Variants in ASH2L observed in about 807,000 individuals in gnomAD.
ASH2L encodes the protein set1/Ash2 histone methyltransferase complex subunit ASH2.
ASH2L carries 30 observed loss-of-function variants against 81.1 expected under a neutral mutation model. That is an observed-to-expected ratio of 0.37 (90% confidence interval 0.28 to 0.50). The LOEUF is 0.50. Among genes scored for constraint, ASH2L ranks in the 20% least tolerant of loss-of-function variants. ASH2L has a pLI of 0.95. For synonymous variants in ASH2L, 273 were observed against 279.9 expected, an observed-to-expected ratio of 0.98 and a Z score of 0.24; for missense variants, 559 against 792.1, an observed-to-expected ratio of 0.71 and a Z score of 3.53.
intron 3 of ASH2L, among the ~76,000 whole-genome samples, chr8:38,107,745 G>A (rs1185133530): frequency 1.3e-5 from 2 of 151,844 alleles, no homozygotes; most frequent in Non-Finnish European, 2.9e-5. Context: ...TGTACTGCTC[G>A]CTCTCTGTAA....
At chr8:38,132,768 C>T (rs1434378113) in intron 12 of ASH2L, among the ~76,000 whole-genome samples, 2 of 149,412 alleles carry the variant, frequency 1.3e-5, no homozygotes, top group Non-Finnish European at 3.0e-5. Flanking sequence ...CACTGCATTC[C>T]AGCCTGGGTG....
intron 9 of ASH2L, among the ~76,000 whole-genome samples, chr8:38,119,745 G>C (rs1038703623): frequency 7.9e-5 from 12 of 151,786 alleles, no homozygotes; most frequent in Non-Finnish European, 1.5e-4. Context: ...GCGGGTGGCA[G>C]TGAGCCAAGA....
At chr8:38,122,156 T>G (rs1424418002) in intron 10 of ASH2L, among the ~76,000 whole-genome samples, 1 of 152,226 alleles carries the variant, frequency 6.6e-6, no homozygotes, top group Non-Finnish European at 1.5e-5. Flanking sequence ...ATTTTGTTGT[T>G]TAAATTATTC....
Position 38,133,414 on chromosome 8 carries a change from G to C in ASH2L, c.1528-40G>C, listed in dbSNP as rs1344782452. 3 of 1,442,124 alleles carry C rather than the reference G, an allele frequency of 2.1e-6. No homozygotes were observed. In the Admixed American group the frequency reaches 5.2e-5, roughly 25 times the overall value. The allele number at this position is 1,442,124 out of a possible 1,614,324, so 89.3% of individuals were successfully genotyped here. A position where few individuals can be genotyped will look rare whatever the true frequency, so the allele number is the denominator to read the frequency against. On this transcript the variant is annotated intron_variant, in intron 12 of 15. Coordinates refer to ENST00000343823, the MANE Select transcript of ASH2L (RefSeq NM_004674.5). ...GCGTTTTTTTCATGATGATGGAGCT[G>C]ATGCTTTATTGTGCCTTTTTTTCTT...
chr8:38,122,208 G>T (rs1801656543), intron 10 of ASH2L, among the ~76,000 whole-genome samples: 1 of 151,948 alleles, frequency 6.6e-6, no homozygotes, highest in Admixed American at 6.6e-5. Context: ...GTTGGTTCTT[G>T]TGTTCTTTCG....
intron 13 of ASH2L, among the ~76,000 whole-genome samples, chr8:38,134,875 C>A (rs1352312605): frequency 6.6e-6 from 1 of 152,070 alleles, no homozygotes; most frequent in African/African-American, 2.4e-5. Flanking sequence ...AGAGGATATT[C>A]AGTGTAATTC....
intron 12 of ASH2L, among the ~76,000 whole-genome samples, chr8:38,130,149 G>A (rs190399937): frequency 1.3e-5 from 2 of 149,888 alleles, no homozygotes; most frequent in South Asian, 2.1e-4. Context: ...TGTGCTTTTC[G>A]GCCACTCATA....
At chr8:38,107,868 A>ATATG (rs367993008) in intron 3 of ASH2L, among the ~76,000 whole-genome samples, 1,600 of 141,512 alleles carry the variant, frequency 0.011, 18 homozygotes, top group South Asian at 0.059. Flanking sequence ...AAATACATAT[A>ATATG]TGTGTGTGTG....
intron 3 of ASH2L, 76 bp from the exon 4 acceptor site, chr8:38,110,303 G>C: frequency 8.9e-7 from 1 of 1,128,516 alleles, no homozygotes. Flanking sequence ...TAGAGTGAGA[G>C]CCTGTCTTTA....
At chr8:38,136,618 T>C (rs1802266876) in intron 14 of ASH2L, among the ~76,000 whole-genome samples, 1 of 150,746 alleles carries the variant, frequency 6.6e-6, no homozygotes, top group Non-Finnish European at 1.5e-5. Flanking sequence ...CTACTGAAGA[T>C]ACAAAAATTA....
chr8:38,132,628 G>A (rs541212739), intron 12 of ASH2L, among the ~76,000 whole-genome samples: 99 of 151,564 alleles, frequency 6.5e-4, no homozygotes, highest in African/African-American at 2.2e-3. Context: ...GCGAAACCCC[G>A]TCTTTACTAA....
intron 8 of ASH2L, among the ~76,000 whole-genome samples, chr8:38,117,033 C>T (rs1223018049): frequency 6.6e-6 from 1 of 152,184 alleles, no homozygotes; most frequent in Non-Finnish European, 1.5e-5. Flanking sequence ...TAGAAAGATT[C>T]ATCTCCTCTC....
At chr8:38,133,412 C>T (rs1289418675) in intron 12 of ASH2L, 42 bp from the exon 13 acceptor site, 2 of 1,412,752 alleles carry the variant, frequency 1.4e-6, no homozygotes, top group Non-Finnish European at 2.0e-6. Context: ...GATGATGGAG[C>T]TGATGCTTTA....
At chr8:38,117,601 G>A (rs1810960053) in intron 8 of ASH2L, 3 of 331,436 alleles carry the variant, frequency 9.1e-6, no homozygotes, top group African/African-American at 4.5e-5. Flanking sequence ...GGCGGCAATA[G>A]CACTTAATAT....
rs1429029930 is a variant in ASH2L at position 38,121,041 on chromosome 8, C to T, written c.1057C>T (p.Pro353Ser). ...TCTAGCTGAGCCTGATCCGCACGCCCCTGACCCCGAGAAGCTGGAACTTGA... is the reference window on the plus strand; with the variant it reads ...TCTAGCTGAGCCTGATCCGCACGCCTCTGACCCCGAGAAGCTGGAACTTGA... ...YILAEPDPHAPDPEKLELDCW... is the reference protein window; with the variant it reads ...YILAEPDPHASDPEKLELDCW... The change falls in exon 10 of 16, where the codon CCT (proline) becomes TCT (serine). Residue 353 changes from proline (P) to serine (S), a missense_variant. Transcript: ENST00000343823. 1 of 1,613,790 alleles carries T rather than the reference C, an allele frequency of 6.2e-7. No individual in the cohort carries two copies. Among genetic ancestry groups the T allele is most frequent in the South Asian group, 1.1e-5 (1 of 91,066 alleles).
At position 38,105,724 on chromosome 8, in the gene ASH2L, G is replaced by T; in HGVS notation, c.174G>T (p.Gly58=). 1 of 1,526,828 alleles carries T rather than the reference G, an allele frequency of 6.5e-7. No individual in the cohort carries two copies. Among genetic ancestry groups the T allele is most frequent in the Non-Finnish European group, 8.8e-7 (1 of 1,140,168 alleles). The allele number at this position is 1,526,828 out of a possible 1,614,324, so 94.6% of individuals were successfully genotyped here. A position where few individuals can be genotyped will look rare whatever the true frequency, so the allele number is the denominator to read the frequency against. Residue 58 remains glycine, a synonymous_variant, in exon 1 of 16, where the codon GGG becomes GGT. Coordinates refer to ENST00000343823, the MANE Select transcript of ASH2L (RefSeq NM_004674.5). ...CTCCGACAGTTGAGCCCAGTTCCGG[G>T]GAGGCTGAAGGCGGGTAAGAGGTCC... The part of the protein sequence containing the change: ...SAAPTVEPSS[G]EAEGGEANLV...
Position 38,120,974 on chromosome 8 carries a change from C to T in ASH2L, c.990C>T (p.Tyr330=), listed in dbSNP as rs746011668. 1 of 1,613,634 alleles carries T rather than the reference C, an allele frequency of 6.2e-7. No individual in the cohort carries two copies. Among genetic ancestry groups the T allele is most frequent in the South Asian group, 1.1e-5 (1 of 91,038 alleles). The change falls in exon 10 of 16, where the codon TAC becomes TAT. Residue 330 remains tyrosine, a synonymous_variant. Transcript: ENST00000343823. ...CTCAGCGCCTTCCCCCTCATGGCTA[C>T]CCATTGGAACACCCGTTTAACAAAG... The part of the protein sequence containing the change: ...FSAQRLPPHG[Y]PLEHPFNKDG...
At chr8:38,137,636 G>A (rs1233767484) in intron 14 of ASH2L, 3 of 152,164 alleles carry the variant, frequency 2.0e-5, no homozygotes, top group African/African-American at 7.2e-5. Context: ...GCTGAGGCAG[G>A]AGAATTGCTT....
At chr8:38,113,416 C>T (rs1462460095) in intron 5 of ASH2L, among the ~76,000 whole-genome samples, 3 of 152,128 alleles carry the variant, frequency 2.0e-5, no homozygotes, top group Non-Finnish European at 4.4e-5. Context: ...ATATTCCAGG[C>T]TTTCTTTGTA....
Sources: gnomAD v4.1 joint callset for allele counts (sites outside exome capture counted in the v4.1 genomes callset) on GRCh38, gnomAD v4.1.1 for gene constraint, MANE v1.5 for transcripts, NCBI Gene and HGNC (gene_info 2026-07-23, HGNC 2026-07-21) for gene names.